CSMD3: variants seen among roughly 807,000 people sequenced by gnomAD.
CSMD3 encodes CUB and sushi domain-containing protein 3.
In CSMD3, 177 loss-of-function variants were observed where a neutral mutation model predicts 435.2. The ratio of observed to expected loss-of-function variants is 0.41; its 90% CI spans 0.36 to 0.46. CSMD3 has a LOEUF of 0.46. Ranked by LOEUF, CSMD3 falls within the 20% of genes least tolerant of loss-of-function variation. The pLI, the probability that CSMD3 is intolerant of heterozygous loss-of-function variation, is 0.34. For missense variants in CSMD3, 4,265 were observed against 4,504.6 expected (o/e 0.95, Z 1.52); for synonymous variants, 1,656 against 1,520.5 (o/e 1.09, Z -2.07).
intron 13 of CSMD3, among the ~76,000 whole-genome samples, chr8:112,721,636 C>T (rs544561278): frequency 2.0e-5 from 3 of 152,200 alleles, no homozygotes; most frequent in East Asian, 1.9e-4. Context: ...ACTAAAGATA[C>T]CTCGTCTAGA....
chr8:112,329,081 C>G (rs1428403208), intron 45 of CSMD3, among the ~76,000 whole-genome samples: 2 of 152,166 alleles, frequency 1.3e-5, no homozygotes, highest in East Asian at 1.9e-4. Context: ...CATGAATTGT[C>G]TTCTCCGCAT....
chr8:112,534,413 T>C (rs981756936), intron 27 of CSMD3, among the ~76,000 whole-genome samples: 2 of 151,944 alleles, frequency 1.3e-5, no homozygotes, highest in African/African-American at 2.4e-5. Context: ...AACTAGCAAA[T>C]AAACTAGAAA....
intron 10 of CSMD3, among the ~76,000 whole-genome samples, chr8:112,861,743 T>C (rs2080832918): frequency 6.6e-6 from 1 of 151,924 alleles, no homozygotes. Context: ...CTAAGACCTT[T>C]ATAGAAATGA....
intron 32 of CSMD3, among the ~76,000 whole-genome samples, chr8:112,469,687 A>T (rs892346220): frequency 6.6e-6 from 1 of 152,106 alleles, no homozygotes; most frequent in Non-Finnish European, 1.5e-5. Flanking sequence ...CAGGAGGTGG[A>T]GCTCAGGCAG....
chr8:112,769,380 C>T (rs1245997605), intron 13 of CSMD3, among the ~76,000 whole-genome samples: 1 of 151,904 alleles, frequency 6.6e-6, no homozygotes, highest in African/African-American at 2.4e-5. Context: ...TGTCTACCAC[C>T]GTCCCTTCCA....
At chr8:112,268,443 C>A (rs1400599040) in intron 59 of CSMD3, among the ~76,000 whole-genome samples, 1 of 152,186 alleles carries the variant, frequency 6.6e-6, no homozygotes, top group Non-Finnish European at 1.5e-5. Context: ...AAACTACTTT[C>A]TCTTTTAACT....
At chr8:113,329,827 A>G (rs1310705296) in intron 1 of CSMD3, among the ~76,000 whole-genome samples, 1 of 152,172 alleles carries the variant, frequency 6.6e-6, no homozygotes, top group African/African-American at 2.4e-5. Context: ...AACGTTAACA[A>G]GAAAATCTAT....
At chr8:113,220,378 T>C (rs2092952622) in intron 3 of CSMD3, among the ~76,000 whole-genome samples, 1 of 151,382 alleles carries the variant, frequency 6.6e-6, no homozygotes, top group African/African-American at 2.4e-5. Flanking sequence ...GTTATGAAGT[T>C]TAGTTAAGAC....
chr8:113,390,725 A>G (rs1222207187), intron 1 of CSMD3, among the ~76,000 whole-genome samples: 1 of 151,978 alleles, frequency 6.6e-6, no homozygotes, highest in East Asian at 1.9e-4. Context: ...TTCTTCAAGA[A>G]TAAGTGACTA....
chr8:112,433,505 G>A (rs557176748), intron 32 of CSMD3, among the ~76,000 whole-genome samples: 3 of 151,630 alleles, frequency 2.0e-5, no homozygotes, highest in Admixed American at 2.0e-4. Flanking sequence ...AAAGTAAAAT[G>A]AAATTAGCTG....
chr8:112,605,238 T>C (rs1832697630), intron 22 of CSMD3, among the ~76,000 whole-genome samples: 1 of 152,134 alleles, frequency 6.6e-6, no homozygotes, highest in South Asian at 2.1e-4. Context: ...TCAAAGAAGT[T>C]AAAATAGAAC....
At chr8:112,579,210 GA>G (rs1371998159) in intron 23 of CSMD3, among the ~76,000 whole-genome samples, 32 of 151,924 alleles carry the variant, frequency 2.1e-4, no homozygotes, top group Non-Finnish European at 2.6e-4. Context: ...TTCAAATACT[GA>G]AAAAAATATT....
chr8:113,137,975 C>T (rs905648166), intron 4 of CSMD3, among the ~76,000 whole-genome samples: 2 of 151,572 alleles, frequency 1.3e-5, no homozygotes, highest in Non-Finnish European at 3.0e-5. Flanking sequence ...AATATAAATA[C>T]TTTTCCCTCA....
intron 10 of CSMD3, among the ~76,000 whole-genome samples, chr8:112,860,071 TCATCACC>T (rs2080781863): frequency 6.6e-6 from 1 of 151,838 alleles, no homozygotes; most frequent in South Asian, 2.1e-4. Flanking sequence ...ATAGTTATCA[TCATCACC>T]ACTTTGAAAA....
At chr8:112,335,195 A>G (rs1824442833) in intron 45 of CSMD3, 134 bp downstream of exon 45, 4 of 863,486 alleles carry the variant, frequency 4.6e-6, no homozygotes, top group Admixed American at 4.2e-5. Context: ...TTGAAATGCT[A>G]AAGTTACTGT....
intron 3 of CSMD3, among the ~76,000 whole-genome samples, chr8:113,266,732 T>C (rs562039426): frequency 1.3e-5 from 2 of 151,666 alleles, no homozygotes; most frequent in Non-Finnish European, 3.0e-5. Context: ...ATTTGCTAAA[T>C]GTGAGCATTT....
At position 112,992,394 on chromosome 8, in the gene CSMD3, A is replaced by C. The variant is rs116255334; in HGVS notation, c.1031-16246T>G. On this transcript the variant is annotated intron_variant, in intron 6 of 70. Transcript: ENST00000297405. ...CATACACGGTGATTTCAAAAATGTT[A>C]GTACATGAAGACATAAATAGAAGGC... Among the ~76,000 whole-genome samples the C allele has an allele frequency of 6.6e-3, 1,008 of 151,944 alleles. 12 individuals are homozygous for C. The highest frequency in any genetic ancestry group is 0.023 in the African/African-American group (966 of 41,504).
chr8:112,746,177 G>A (rs1357137668), intron 13 of CSMD3, among the ~76,000 whole-genome samples: 1 of 152,126 alleles, frequency 6.6e-6, no homozygotes. Context: ...ATCTCCTGAC[G>A]CTTTTGGCTA....
chr8:113,281,726 T>G (rs1266276204), intron 2 of CSMD3, among the ~76,000 whole-genome samples: 2 of 151,858 alleles, frequency 1.3e-5, no homozygotes, highest in Non-Finnish European at 2.9e-5. Flanking sequence ...TACTTTGTTT[T>G]TTATTTGTTT....
Sources: gnomAD v4.1 joint callset for allele counts (sites outside exome capture counted in the v4.1 genomes callset) on GRCh38, gnomAD v4.1.1 for gene constraint, MANE v1.5 for transcripts, NCBI Gene and HGNC (gene_info 2026-07-23, HGNC 2026-07-21) for gene names.